CEP290: variants seen among roughly 807,000 people sequenced by gnomAD.
The protein encoded by CEP290 is centrosomal protein 290.
CEP290 carries 317 observed loss-of-function variants against 344.9 expected under a neutral mutation model. The observed-to-expected ratio is 0.92, with a 90% CI of 0.84 to 1.01. The LOEUF is 1.01. CEP290 is among the 50% of genes least tolerant of loss of function. The probability of loss-of-function intolerance (pLI) is 0.00; values close to 1 mark genes in which losing one functional copy is unlikely to be tolerated. For synonymous variants in CEP290, 932 were observed against 895.8 expected (o/e 1.04, Z -0.72); for missense variants, 2,754 against 2,761.4 (o/e 1.00, Z 0.06).
Position 88,139,200 on chromosome 12 carries a change from T to A in CEP290, c.251-9A>T. ...AGTTTTTAATTGATTTTCTATTTTT[T>A]TAAAAAAAAAGAAAAACGTTTTAAT... On this transcript the variant is annotated splice_polypyrimidine_tract_variant and intron_variant, in intron 4 of 53. Transcript: ENST00000552810. 9.0e-7 allele frequency: 1 copy of A among 1,112,412 alleles called. No individual in the cohort carries two copies. 68.9% of individuals were successfully genotyped at this position (1,112,412 alleles called of 1,614,324 possible).
intron 6 of CEP290, among the ~76,000 whole-genome samples, chr12:88,133,935 T>G (rs918315697): frequency 3.3e-5 from 5 of 152,178 alleles, no homozygotes; most frequent in African/African-American, 1.2e-4. Flanking sequence ...CACACTCTGT[T>G]TCTCCTTTCT....
rs141190061 is a variant in CEP290, at chr12:88,115,930, T to C, written c.1825-748A>G. The C allele has an allele frequency of 1.1e-4, 109 of 984,868 alleles. No individual in the cohort carries two copies. In the Admixed American group the frequency reaches 1.6e-3, roughly 14 times the overall value. 61.0% of individuals were successfully genotyped at this position (984,868 alleles called of 1,614,324 possible). A position where few individuals can be genotyped will look rare whatever the true frequency, so the allele number is the denominator to read the frequency against. On this transcript the variant is annotated intron_variant, in intron 18 of 53. Coordinates refer to ENST00000552810, the MANE Select transcript of CEP290 (RefSeq NM_025114.4). ...GTCTGTAAGGGTACTTCACTTTTTA[T>C]TATATCTTCTTTCAAATTGATATCA...
chr12:88,136,499 G>T, intron 6 of CEP290, 144 bp downstream of exon 6: 1 of 754,118 alleles, frequency 1.3e-6, no homozygotes, highest in South Asian at 1.8e-5. Context: ...ATGACAAAAT[G>T]AACAGTGATA....
intron 50 of CEP290, among the ~76,000 whole-genome samples, chr12:88,054,910 A>C (rs2033875771): frequency 6.6e-6 from 1 of 152,130 alleles, no homozygotes. Context: ...AAAGGAAACA[A>C]GTATAAGGAC....
chr12:88,132,484 T>A (rs764001727), intron 6 of CEP290, among the ~76,000 whole-genome samples: 2 of 152,144 alleles, frequency 1.3e-5, no homozygotes, highest in Non-Finnish European at 2.9e-5. Context: ...AGCATGACAA[T>A]TATATTGTGT....
intron 20 of CEP290, 58 bp from the exon 21 acceptor site, chr12:88,111,916 A>C: frequency 1.6e-6 from 2 of 1,237,888 alleles, no homozygotes; most frequent in Non-Finnish European, 2.2e-6. Flanking sequence ...ATCATAGTAA[A>C]AAACAGTCTG....
At chr12:88,090,003 G>C (rs1437544668) in intron 30 of CEP290, among the ~76,000 whole-genome samples, 2 of 152,118 alleles carry the variant, frequency 1.3e-5, no homozygotes, top group South Asian at 4.1e-4. Flanking sequence ...GGGATTACAG[G>C]CGTGAGCCAC....
Position 88,084,581 on chromosome 12 carries a change from A to C in CEP290, c.4704+5T>G. 1 of 1,603,394 alleles carries C rather than the reference A, an allele frequency of 6.2e-7. No individual in the cohort carries two copies. The highest frequency in any genetic ancestry group is 8.5e-7 in the Non-Finnish European group (1 of 1,171,574). On this transcript the variant is annotated splice_donor_5th_base_variant and intron_variant, in intron 35 of 53. Transcript: ENST00000552810. The stretch of plus-strand genomic sequence containing the variant: ...AACAGCATAACTCATAATATAATAA[A>C]ATACCTCTCTGGCTTTTTCTAGAAG...
In CEP290 at chr12:88,115,190, A is replaced by C. The variant is rs769405843; in HGVS notation, c.1825-8T>G. 3.4e-5 allele frequency: 45 copies of C among 1,338,178 alleles called. No homozygotes were observed. Among genetic ancestry groups the C allele is most frequent in the Admixed American group, 1.9e-4 (8 of 42,780 alleles). The allele number at this position is 1,338,178 out of a possible 1,614,324, so 82.9% of individuals were successfully genotyped here. Reference sequence around the variant, plus strand: ...TCTTGAAAGAAATTCATTCTGAAAAAAGCAGAGAGAATAAAATTGATTTTT... The same window carrying C: ...TCTTGAAAGAAATTCATTCTGAAAACAGCAGAGAGAATAAAATTGATTTTT... On this transcript the variant is annotated splice_polypyrimidine_tract_variant and splice_region_variant and intron_variant, in intron 18 of 53. Coordinates refer to ENST00000552810, the MANE Select transcript of CEP290 (RefSeq NM_025114.4).
chr12:88,118,773 T>A (rs1040408554), intron 15 of CEP290, 30 bp from the exon 16 acceptor site: 2 of 1,508,492 alleles, frequency 1.3e-6, no homozygotes, highest in Non-Finnish European at 1.8e-6. Flanking sequence ...AATTAAAAAC[T>A]TAAAAACATT....
At position 88,064,659 on chromosome 12, in the gene CEP290, C is replaced by T. The variant is rs867565649; in HGVS notation, c.6136-544G>A. Among the ~76,000 whole-genome samples, 19 of 152,092 alleles carry T rather than the reference C, an allele frequency of 1.2e-4. No individual in the cohort carries two copies. In the South Asian group the frequency reaches 4.0e-3, roughly 32 times the overall value. On this transcript the variant is annotated intron_variant, in intron 44 of 53. Transcript: ENST00000552810. ...GGGGATTTAGACACAGAGACATGTACAGAAGGAAGATGATAAAAAGAAACA... is the reference window on the plus strand; with the variant it reads ...GGGGATTTAGACACAGAGACATGTATAGAAGGAAGATGATAAAAAGAAACA...
chr12:88,058,970 T>C lies in CEP290; in HGVS notation c.6696A>G (p.Ile2232Met), dbSNP rs1296514526. The C allele has an allele frequency of 1.2e-6, 2 of 1,613,386 alleles. No individual in the cohort carries two copies. Among genetic ancestry groups the C allele is most frequent in the Admixed American group, 3.3e-5 (2 of 59,982 alleles). The change falls in exon 49 of 54, where the codon ATA (isoleucine) becomes ATG (methionine). Residue 2232 changes from isoleucine (I) to methionine (M), a missense_variant. Physicochemically the swap from Ile to Met is conservative, Grantham distance 10 (BLOSUM62 1). Transcript: ENST00000552810. The stretch of plus-strand genomic sequence containing the variant: ...GTTGAACTGTCATCTTCTCATTTAA[T>C]ATCTCTAAATTATTCTTTGCTATCC... ...KLRIAKNNLE[I>M]LNEKMTVQLE...
At position 88,050,445 on chromosome 12, in the gene CEP290, G is replaced by A; in HGVS notation, c.7130-12C>T. The A allele has an allele frequency of 1.4e-6, 2 of 1,406,380 alleles. No homozygotes were observed. The highest frequency in any genetic ancestry group is 9.9e-7 in the Non-Finnish European group (1 of 1,008,326). 87.1% of individuals were successfully genotyped at this position (1,406,380 alleles called of 1,614,324 possible). A position where few individuals can be genotyped will look rare whatever the true frequency, so the allele number is the denominator to read the frequency against. On this transcript the variant is annotated splice_polypyrimidine_tract_variant and intron_variant, in intron 52 of 53. Transcript: ENST00000552810. ...TAGTTGATCAGCATCTGTTGAAAAA[G>A]TCATACAAATTAGACTCAGCTTTTT... is the stretch of plus-strand genomic sequence containing the variant.
At chr12:88,081,009 T>C (rs942326107) in intron 37 of CEP290, among the ~76,000 whole-genome samples, 3 of 152,236 alleles carry the variant, frequency 2.0e-5, no homozygotes, top group Admixed American at 6.5e-5. Flanking sequence ...TTAAATATTA[T>C]GGCTCTTGTA....
At position 88,084,814 on chromosome 12, in the gene CEP290, T is replaced by C. The variant is rs181248369; in HGVS notation, c.4476A>G (p.Glu1492=). ...CTTTGTCTCTTGACAGTATATTTTG[T>C]TCTGCTAACCTTAAAGCAGATTCTT... ...KEKESALRLA[E]QNILSRDKVI... The change falls in exon 35 of 54, where the codon GAA becomes GAG. Residue 1492 remains glutamate, a synonymous_variant. Transcript: ENST00000552810. 2.2e-4 allele frequency: 346 copies of C among 1,606,158 alleles called. 1 individual carries two copies. In the African/African-American group the frequency reaches 4.3e-3, roughly 20 times the overall value.
At position 88,125,222 on chromosome 12, in the gene CEP290, ATAAC is replaced by A. The variant is rs1460774098; in HGVS notation, c.1189+20_1189+23del. ...CGTTAAAAACATAATTGTATATAAA[ATAAC>A]TATATATTTATAAAAATACCTTTGT... On this transcript the variant is annotated intron_variant, in intron 13 of 53. Coordinates refer to ENST00000552810, the MANE Select transcript of CEP290 (RefSeq NM_025114.4). 4 of 650,046 alleles carry A rather than the reference ATAAC, an allele frequency of 6.2e-6. No homozygotes were observed. The African/African-American group carries it at 7.6e-5, about 12-fold the overall frequency. The allele number at this position is 650,046 out of a possible 1,614,324, so 40.3% of individuals were successfully genotyped here.
chr12:88,138,838 C>T (rs1391290717), intron 5 of CEP290, among the ~76,000 whole-genome samples: 1 of 152,104 alleles, frequency 6.6e-6, no homozygotes, highest in Non-Finnish European at 1.5e-5. Flanking sequence ...TCTATAACAC[C>T]CTTTCGTCAC....
intron 9 of CEP290, 46 bp downstream of exon 9, chr12:88,130,220 TAA>T: frequency 6.6e-7 from 1 of 1,514,302 alleles, no homozygotes; most frequent in Non-Finnish European, 8.9e-7. Flanking sequence ...GTAATGAAAT[TAA>T]AGTTTTTAGG....
chr12:88,088,777 T>C (rs957110215), intron 31 of CEP290, among the ~76,000 whole-genome samples: 3 of 152,162 alleles, frequency 2.0e-5, no homozygotes, highest in African/African-American at 7.2e-5. Context: ...GGAGGATTAC[T>C]TGAAGCCAGG....
Sources: gnomAD v4.1 joint callset for allele counts (sites outside exome capture counted in the v4.1 genomes callset) on GRCh38, gnomAD v4.1.1 for gene constraint, MANE v1.5 for transcripts, NCBI Gene and HGNC (gene_info 2026-07-23, HGNC 2026-07-21) for gene names.